The following CLIP2 variants were observed in gnomAD, a reference collection of about 807,000 sequenced individuals.
CLIP2 encodes the protein CAP-Gly domain-containing linker protein 2.
A neutral mutation model predicts 111.7 loss-of-function variants in CLIP2; 41 were observed. The ratio of observed to expected loss-of-function variants is 0.37; its 90% CI spans 0.29 to 0.48. The LOEUF is 0.48. CLIP2 is among the 20% of genes least tolerant of loss of function. The pLI, the probability that CLIP2 is intolerant of heterozygous loss-of-function variation, is 0.99. For synonymous variants in CLIP2, 660 were observed against 644.2 expected, an observed-to-expected ratio of 1.02 and a Z score of -0.37; for missense variants, 1,160 against 1,422.1, an observed-to-expected ratio of 0.82 and a Z score of 2.96.
intron 3 of CLIP2, among the ~76,000 whole-genome samples, chr7:74,350,138 C>T (rs1047985351): frequency 2.0e-5 from 3 of 152,064 alleles, no homozygotes; most frequent in Non-Finnish European, 4.4e-5. Flanking sequence ...ACTGCAACCT[C>T]CGCCTCCTGG....
At chr7:74,381,276 A>G (rs563251476) in intron 11 of CLIP2, among the ~76,000 whole-genome samples, 6 of 151,606 alleles carry the variant, frequency 4.0e-5, no homozygotes, top group African/African-American at 9.7e-5. Flanking sequence ...GCAACCTCCA[A>G]CTCCCTGGTT....
At chr7:74,321,404 G>A (rs529181892) in intron 2 of CLIP2, among the ~76,000 whole-genome samples, 3 of 152,206 alleles carry the variant, frequency 2.0e-5, no homozygotes, top group East Asian at 1.9e-4. Flanking sequence ...TCCTATTGCC[G>A]ACATTGGCAG....
rs200539524 is a variant in CLIP2 at position 74,317,583 on chromosome 7, G to C, written c.37G>C (p.Gly13Arg). ...CAGCGGCCTGAAGCCCCCCGGCCGT[G>C]GGGGGAAGCACTCCAGCCCCATGGG... ...KPSGLKPPGR[G>R]GKHSSPMGRT... Residue 13 changes from glycine (G) to arginine (R), a missense_variant, in exon 2 of 17, where the codon GGG becomes CGG. Coordinates refer to ENST00000223398, the MANE Select transcript of CLIP2 (RefSeq NM_003388.5). 4.0e-6 allele frequency: 6 copies of C among 1,496,274 alleles called. No homozygotes were observed. The highest frequency in any genetic ancestry group is 4.4e-5 in the Admixed American group (2 of 45,864). 92.7% of individuals were successfully genotyped at this position (1,496,274 alleles called of 1,614,324 possible). A position where few individuals can be genotyped will look rare whatever the true frequency, so the allele number is the denominator to read the frequency against.
intron 1 of CLIP2, among the ~76,000 whole-genome samples, chr7:74,298,139 G>A (rs1554726309): frequency 6.6e-6 from 1 of 151,872 alleles, no homozygotes; most frequent in East Asian, 1.9e-4. Flanking sequence ...GAGCCTAGGA[G>A]TTCGAGACCA....
intron 13 of CLIP2, among the ~76,000 whole-genome samples, chr7:74,395,533 C>G (rs1554316531): frequency 1.3e-5 from 2 of 152,156 alleles, no homozygotes; most frequent in African/African-American, 4.8e-5. Context: ...CTCAGGTGAT[C>G]TGTCCTCCTC....
chr7:74,403,620 C>T (rs1023820880), intron 16 of CLIP2, among the ~76,000 whole-genome samples: 8 of 152,148 alleles, frequency 5.3e-5, no homozygotes, highest in Non-Finnish European at 1.0e-4. Context: ...CCCTCGGCTC[C>T]GCTTCCCATC....
At chr7:74,323,691 G>T (rs1789030853) in intron 2 of CLIP2, among the ~76,000 whole-genome samples, 2 of 152,194 alleles carry the variant, frequency 1.3e-5, no homozygotes, top group Admixed American at 6.5e-5. Context: ...CTCCCAAAGT[G>T]CTGGGATCAC....
chr7:74,391,944 C>T (rs544608790), intron 13 of CLIP2, among the ~76,000 whole-genome samples: 3 of 152,282 alleles, frequency 2.0e-5, no homozygotes, highest in East Asian at 3.9e-4. Flanking sequence ...TGGTGGCTCA[C>T]ACCTGAAATC....
Position 74,376,504 on chromosome 7 carries a change from G to A in CLIP2, c.2103G>A (p.Arg701=). 1 of 1,606,820 alleles carries A rather than the reference G, an allele frequency of 6.2e-7. No homozygotes were observed. The highest frequency in any genetic ancestry group is 8.5e-7 in the Non-Finnish European group (1 of 1,177,546). ...EAQEELAGLQ[R]HWRAQLEVQA... is the part of the protein sequence containing the mutation. Reference sequence around the variant, plus strand: ...AGGAGGAGCTGGCTGGGCTGCAGCGGCACTGGCGGGCCCAGCTGGAGGTGC... The same window carrying A: ...AGGAGGAGCTGGCTGGGCTGCAGCGACACTGGCGGGCCCAGCTGGAGGTGC... Residue 701 remains arginine (R), a synonymous_variant, in exon 10 of 17, where the codon CGG becomes CGA. Transcript: ENST00000223398. This position sits in a 1 kb window ranked among gnomAD's most constrained non-coding sequence, Gnocchi z 7.1.
chr7:74,395,229 G>T (rs1278874396), intron 13 of CLIP2, among the ~76,000 whole-genome samples: 1 of 151,064 alleles, frequency 6.6e-6, no homozygotes, highest in Non-Finnish European at 1.5e-5. Flanking sequence ...GCGCAATCTT[G>T]GCTCACCGCA....
At chr7:74,385,842 A>C (rs1274556921) in intron 11 of CLIP2, among the ~76,000 whole-genome samples, 1 of 148,976 alleles carries the variant, frequency 6.7e-6, no homozygotes, top group African/African-American at 2.5e-5. Flanking sequence ...TCCCAAGTTC[A>C]AGCGATTCTC....
intron 14 of CLIP2, 145 bp from the exon 15 acceptor site, chr7:74,400,225 A>G (rs900519321): frequency 6.7e-6 from 4 of 601,066 alleles, no homozygotes; most frequent in Admixed American, 3.0e-5. Context: ...AGCACCTCAC[A>G]GAGGCCTGAG....
At chr7:74,290,001 C>A (rs966722147) in intron 1 of CLIP2, among the ~76,000 whole-genome samples, 1 of 152,186 alleles carries the variant, frequency 6.6e-6, no homozygotes, top group African/African-American at 2.4e-5. Context: ...CTGCGGGTCC[C>A]CCTGTTGAAG....
chr7:74,350,571 A>C (rs1554307302), intron 3 of CLIP2, among the ~76,000 whole-genome samples: 1 of 151,974 alleles, frequency 6.6e-6, no homozygotes, highest in African/African-American at 2.4e-5. Context: ...ACCTCCATTA[A>C]AAAAAAGAGT....
intron 3 of CLIP2, among the ~76,000 whole-genome samples, chr7:74,340,726 G>A (rs1236202259): frequency 1.3e-5 from 2 of 152,154 alleles, no homozygotes; most frequent in Non-Finnish European, 2.9e-5. Context: ...CTGCACCTGG[G>A]ACCACAGTGT....
chr7:74,316,885 T>C (rs1440053648), intron 1 of CLIP2, among the ~76,000 whole-genome samples: 2 of 151,852 alleles, frequency 1.3e-5, no homozygotes, highest in Non-Finnish European at 2.9e-5. Context: ...TTAATGACCA[T>C]AGTCAGCATG....
rs544418793 is a variant in CLIP2 at position 74,334,836 on chromosome 7, A to AT, written c.122-3612_122-3611insT. 4.3e-3 allele frequency among the ~76,000 whole-genome samples: 657 copies of AT among 151,390 alleles called. 3 individuals are homozygous for AT. Among genetic ancestry groups the AT allele is most frequent in the Non-Finnish European group, 6.9e-3 (467 of 67,814 alleles). On this transcript the variant is annotated intron_variant, in intron 2 of 16. Coordinates refer to ENST00000223398, the MANE Select transcript of CLIP2 (RefSeq NM_003388.5). ...TCTAATAAAATACAAAAAAAAAAAA[A>AT]AAATAGCCTGGTGTGCTGGCACGCA...
chr7:74,366,203 A>C (rs551436034), intron 8 of CLIP2, among the ~76,000 whole-genome samples: 1 of 151,934 alleles, frequency 6.6e-6, no homozygotes, highest in Non-Finnish European at 1.5e-5. Context: ...TATCAGGCTC[A>C]TGGTCTTCCC....
At chr7:74,364,595 C>T (rs1554310430) in intron 8 of CLIP2, among the ~76,000 whole-genome samples, 2 of 152,166 alleles carry the variant, frequency 1.3e-5, no homozygotes, top group African/African-American at 4.8e-5. Context: ...GATAGAGTGG[C>T]TGAGGTCCCC....
Sources: allele counts gnomAD v4.1 joint callset (sites outside exome capture counted in the v4.1 genomes callset), GRCh38; gene constraint gnomAD v4.1.1; non-coding constraint Gnocchi (gnomAD v3.1); transcripts MANE v1.5; gene names NCBI Gene and HGNC (gene_info 2026-07-23, HGNC 2026-07-21).